ZC3H12B: variants seen among roughly 807,000 people sequenced by gnomAD.
The protein encoded by ZC3H12B is zinc finger CCCH-type containing 12B, also known as probable ribonuclease ZC3H12B.
A neutral mutation model predicts 43.9 loss-of-function variants in ZC3H12B; 7 were observed. The observed-to-expected ratio is 0.16, with a 90% CI of 0.09 to 0.30. The LOEUF is 0.30. Among genes scored for constraint, ZC3H12B ranks in the 10% least tolerant of loss-of-function variants. The pLI is 1.00. For missense variants in ZC3H12B, 475 were observed against 670.2 expected (o/e 0.71, Z 3.22); for synonymous variants, 222 against 241.7 (o/e 0.92, Z 0.76).
At chrX:65,340,422 C>T in the ZC3H12B span, among the ~76,000 whole-genome samples, 3 of 112,118 alleles carry the variant, frequency 2.7e-5, no homozygotes, top group Non-Finnish European at 3.8e-5. Flanking sequence ...GCTGCCACTA[C>T]CCTATGAAAC....
At chrX:65,243,510 C>T in the ZC3H12B span, among the ~76,000 whole-genome samples, 7 of 111,914 alleles carry the variant, frequency 6.3e-5, no homozygotes, top group South Asian at 3.7e-4. Context: ...GAACTGTGTA[C>T]ATTCTTTGTG....
intron 3 of ZC3H12B, among the ~76,000 whole-genome samples, chrX:65,435,304 C>A (rs918161841): frequency 1.8e-5 from 2 of 111,960 alleles, no homozygotes; most frequent in Non-Finnish European, 3.8e-5. Context: ...ACATTAGGAG[C>A]AAACAACCAT....
chrX:65,380,718 A>T (rs1368745783), intron 2 of ZC3H12B, among the ~76,000 whole-genome samples: 1 of 111,779 alleles, frequency 8.9e-6, no homozygotes, highest in Non-Finnish European at 1.9e-5. Context: ...AACCCATCTC[A>T]CGGGCAGAGA....
chrX:65,314,657 A>AT, the ZC3H12B span, among the ~76,000 whole-genome samples: 1 of 111,743 alleles, frequency 8.9e-6, no homozygotes, highest in Non-Finnish European at 1.9e-5. Context: ...GTCAAAAATA[A>AT]TTTTTTTAGG....
chrX:65,050,128 C>G, the ZC3H12B span, among the ~76,000 whole-genome samples: 36 of 111,145 alleles, frequency 3.2e-4, no homozygotes, highest in Admixed American at 3.4e-3. Flanking sequence ...AGCTCTTTGT[C>G]ACCTTGGTTA....
At chrX:65,152,783 T>A in the ZC3H12B span, among the ~76,000 whole-genome samples, 1 of 111,914 alleles carries the variant, frequency 8.9e-6, no homozygotes, top group African/African-American at 3.3e-5. Flanking sequence ...AAGTCAATCC[T>A]AAGCCAAAGG....
chrX:65,328,301 TG>T, the ZC3H12B span: 1 of 252,677 alleles, frequency 4.0e-6, no homozygotes. Flanking sequence ...CTTTTATCCC[TG>T]GCATAACTTC....
At chrX:65,131,012 C>A in the ZC3H12B span, among the ~76,000 whole-genome samples, 1 of 111,667 alleles carries the variant, frequency 9.0e-6, no homozygotes, top group South Asian at 3.8e-4. Flanking sequence ...GATGGTGGAC[C>A]CTTGCATAGT....
chrX:65,315,350 A>C, the ZC3H12B span, among the ~76,000 whole-genome samples: 1 of 112,151 alleles, frequency 8.9e-6, no homozygotes, highest in African/African-American at 3.2e-5. Flanking sequence ...GGGAGAAGAA[A>C]AATGGAAGTA....
At chrX:65,209,743 G>C in the ZC3H12B span, among the ~76,000 whole-genome samples, 2 of 107,202 alleles carry the variant, frequency 1.9e-5, no homozygotes, top group African/African-American at 3.5e-5. Flanking sequence ...GAACAGAACA[G>C]AGCCCTCAGA....
the ZC3H12B span, among the ~76,000 whole-genome samples, chrX:65,204,397 T>C: frequency 1.8e-5 from 2 of 111,871 alleles, no homozygotes; most frequent in East Asian, 5.6e-4. Context: ...TTAACTAGAA[T>C]TATGTGCTTT....
the ZC3H12B span, among the ~76,000 whole-genome samples, chrX:65,148,816 T>A: frequency 8.9e-6 from 1 of 112,023 alleles, no homozygotes; most frequent in East Asian, 2.8e-4. Context: ...GAAGATGTTT[T>A]CTTGTATGTA....
intron 1 of ZC3H12B, among the ~76,000 whole-genome samples, chrX:65,496,379 AT>A (rs1330812198): frequency 8.9e-6 from 1 of 112,005 alleles, no homozygotes; most frequent in Non-Finnish European, 1.9e-5. Context: ...TCCCCAATTA[AT>A]ACTCTATATA....
chrX:65,067,482 A>C, the ZC3H12B span, among the ~76,000 whole-genome samples: 1 of 109,401 alleles, frequency 9.1e-6, no homozygotes, highest in Non-Finnish European at 1.9e-5. Context: ...CCACTGTCTA[A>C]CCAGTCCCAG....
the ZC3H12B span, chrX:65,271,078 C>G: frequency 8.9e-6 from 1 of 112,884 alleles, no homozygotes; most frequent in Non-Finnish European, 1.9e-5. Context: ...ATGACCATTA[C>G]ATATGATGCT....
intron 3 of ZC3H12B, among the ~76,000 whole-genome samples, chrX:65,430,169 A>T (rs1448495305): frequency 9.0e-6 from 1 of 111,351 alleles, no homozygotes; most frequent in Admixed American, 9.5e-5. Flanking sequence ...TGTAAAGCTC[A>T]TGGGTCTCTG....
chrX:65,133,968 A>G, the ZC3H12B span, among the ~76,000 whole-genome samples: 2 of 111,371 alleles, frequency 1.8e-5, no homozygotes, highest in African/African-American at 3.3e-5. Context: ...TGGAGAAATC[A>G]AAAGTGCCAT....
chrX:65,418,133 G>A (rs61270492), intron 3 of ZC3H12B, among the ~76,000 whole-genome samples: 2 of 111,781 alleles, frequency 1.8e-5, no homozygotes, highest in East Asian at 2.8e-4. Flanking sequence ...AGAAGCTATA[G>A]CAAGTGTCAA....
rs376514092 is a variant in ZC3H12B, at chrX:65,414,261, A to ATT, written n.407+15566_407+15567dup. 7.6e-5 allele frequency among the ~76,000 whole-genome samples: 8 copies of ATT among 104,806 alleles called. No individual in the cohort carries two copies. The South Asian group carries it at 1.6e-3, about 21-fold the overall frequency. The allele number at this position is 104,806 out of a possible 115,157, so 91.0% of individuals were successfully genotyped here. Reference sequence around the variant, plus strand: ...ATTGGGAAGTGTTCCCTCCTCTTCTATTTTTTTTTTGAGGGGGGGAAGGGT... The same window carrying ATT: ...ATTGGGAAGTGTTCCCTCCTCTTCTATTTTTTTTTTTTGAGGGGGGGAAGGGT... On this transcript the variant is annotated intron_variant and non_coding_transcript_variant, in intron 3 of 5. Transcript: ENST00000617377.
Sources: allele counts gnomAD v4.1 joint callset (sites outside exome capture counted in the v4.1 genomes callset), GRCh38; gene constraint gnomAD v4.1.1; transcripts MANE v1.5; gene names NCBI Gene and HGNC (gene_info 2026-07-23, HGNC 2026-07-21).